Variants in ATP2C2 observed in about 807,000 individuals in gnomAD.
ATP2C2 encodes ATPase secretory pathway Ca2+ transporting 2.
In ATP2C2, 171 loss-of-function variants were observed where a neutral mutation model predicts 110.8. That is an observed-to-expected ratio of 1.54 (90% confidence interval 1.36 to 1.75). ATP2C2 has a LOEUF of 1.75. Among genes scored for constraint, ATP2C2 ranks in the 40% most tolerant of loss-of-function variants. The pLI is 0.00. For synonymous variants in ATP2C2, 804 were observed against 508.4 expected, an observed-to-expected ratio of 1.58 and a Z score of -7.82; for missense variants, 1,963 against 1,235.0, an observed-to-expected ratio of 1.59 and a Z score of -8.84.
chr16:84,397,730 T>C (rs1204006702), intron 1 of ATP2C2, among the ~76,000 whole-genome samples: 2 of 146,310 alleles, frequency 1.4e-5, no homozygotes, highest in Non-Finnish European at 3.0e-5. Context: ...GGAACCCAGA[T>C]ATTCATCAAC....
intron 16 of ATP2C2, among the ~76,000 whole-genome samples, chr16:84,447,751 T>A (rs1909883907): frequency 7.1e-6 from 1 of 140,350 alleles, no homozygotes; most frequent in East Asian, 1.9e-4. Context: ...ATATAATATA[T>A]AATATACATA....
chr16:84,437,669 C>T (rs1908867588), intron 11 of ATP2C2, among the ~76,000 whole-genome samples: 1 of 152,180 alleles, frequency 6.6e-6, no homozygotes, highest in African/African-American at 2.4e-5. Context: ...GTGCATGCCA[C>T]CACACCTGGC....
At chr16:84,421,075 G>T (rs1907289991) in intron 7 of ATP2C2, among the ~76,000 whole-genome samples, 1 of 152,184 alleles carries the variant, frequency 6.6e-6, no homozygotes, top group South Asian at 2.1e-4. Context: ...CAAAGTGCTG[G>T]GATTACAGGT....
chr16:84,430,091 T>C (rs552698997), intron 11 of ATP2C2, among the ~76,000 whole-genome samples: 2 of 152,290 alleles, frequency 1.3e-5, no homozygotes, highest in African/African-American at 4.8e-5. Context: ...CCATTTTTAT[T>C]TGATGATGTC....
chr16:84,385,183 C>T (rs1904302792), intron 1 of ATP2C2, among the ~76,000 whole-genome samples: 1 of 152,100 alleles, frequency 6.6e-6, no homozygotes, highest in Non-Finnish European at 1.5e-5. Context: ...CAGGAGGTTT[C>T]CAATCATGGT....
At chr16:84,389,802 C>A (rs1306640474) in intron 1 of ATP2C2, among the ~76,000 whole-genome samples, 1 of 149,274 alleles carries the variant, frequency 6.7e-6, no homozygotes, top group Non-Finnish European at 1.5e-5. Context: ...CTCACTTCAA[C>A]CTCTGCCTCC....
chr16:84,411,106 C>T (rs888883475), intron 6 of ATP2C2, among the ~76,000 whole-genome samples: 3 of 152,026 alleles, frequency 2.0e-5, no homozygotes, highest in Middle Eastern at 3.2e-3. Context: ...GGGAGAGGGT[C>T]TGGAGGTTTA....
intron 17 of ATP2C2, among the ~76,000 whole-genome samples, chr16:84,449,823 T>TC (rs1910093652): frequency 6.6e-6 from 1 of 152,226 alleles, no homozygotes; most frequent in African/African-American, 2.4e-5. Context: ...ACGCCTCTGC[T>TC]GACGAAATGG....
chr16:84,447,569 C>T (rs1345114360), intron 16 of ATP2C2, among the ~76,000 whole-genome samples: 3 of 148,558 alleles, frequency 2.0e-5, no homozygotes, highest in African/African-American at 7.6e-5. Flanking sequence ...TGCTTTTTCC[C>T]CCTAAGATTT....
chr16:84,445,556 C>T (rs1204265283), intron 15 of ATP2C2, among the ~76,000 whole-genome samples: 1 of 152,110 alleles, frequency 6.6e-6, no homozygotes, highest in African/African-American at 2.4e-5. Context: ...ACCCTAATAG[C>T]CTCAAATTGA....
intron 7 of ATP2C2, among the ~76,000 whole-genome samples, chr16:84,420,231 TCCATG>T (rs1907207301): frequency 6.6e-6 from 1 of 152,062 alleles, no homozygotes; most frequent in African/African-American, 2.4e-5. Context: ...CCCCACCTCC[TCCATG>T]GAGTATCATC....
Position 84,398,568 on chromosome 16 carries a change from G to T in ATP2C2, c.169G>T (p.Ala57Ser). The change falls in exon 2 of 27, where the codon GCG (alanine) becomes TCG (serine). Residue 57 changes from alanine to serine, a missense_variant. By Grantham distance (99) the Ala-to-Ser change is moderately conservative (BLOSUM62 1). Coordinates refer to ENST00000262429, the MANE Select transcript of ATP2C2 (RefSeq NM_014861.4). Reference sequence around the variant, plus strand: ...GGTGACAGCCCTGCCCCCCAAGGAAGCGTGCAAATGCCAGAAAGAGGATTT... The same window carrying T: ...GGTGACAGCCCTGCCCCCCAAGGAATCGTGCAAATGCCAGAAAGAGGATTT... ...KKVTALPPKE[A>S]CKCQKEDLAR... 1 of 1,613,408 alleles carries T rather than the reference G, an allele frequency of 6.2e-7. No homozygotes were observed. Among genetic ancestry groups the T allele is most frequent in the Non-Finnish European group, 8.5e-7 (1 of 1,179,742 alleles).
chr16:84,451,517 G>A (rs964367707), intron 17 of ATP2C2, among the ~76,000 whole-genome samples: 16 of 152,208 alleles, frequency 1.1e-4, no homozygotes, highest in Admixed American at 9.2e-4. Flanking sequence ...TCTGCAGACC[G>A]AGGAGGATCT....
chr16:84,426,004 C>G, intron 11 of ATP2C2: 1 of 598,908 alleles, frequency 1.7e-6, no homozygotes, highest in Non-Finnish European at 3.0e-6. Flanking sequence ...TGAATGACAG[C>G]AAATGATCCA....
intron 4 of ATP2C2, among the ~76,000 whole-genome samples, chr16:84,409,973 GCCTGGGGGGTGGAT>G (rs1383809035): frequency 1.3e-5 from 2 of 152,132 alleles, no homozygotes; most frequent in African/African-American, 4.8e-5. Flanking sequence ...ACTTTGGGAG[GCCTGGGGGGTGGAT>G]CACGAGGTCA....
At chr16:84,414,311 A>C (rs977825469) in intron 6 of ATP2C2, among the ~76,000 whole-genome samples, 1 of 152,156 alleles carries the variant, frequency 6.6e-6, no homozygotes, top group African/African-American at 2.4e-5. Context: ...AATTCAGGAG[A>C]GCACCCAGGG....
Position 84,422,639 on chromosome 16 carries a change from T to C in ATP2C2, c.785T>C (p.Ile262Thr). 4 of 1,613,488 alleles carry C rather than the reference T, an allele frequency of 2.5e-6. No individual in the cohort carries two copies. The East Asian group carries it at 6.7e-5, about 27-fold the overall frequency. The change falls in exon 9 of 27, where the codon ATT becomes ACT. Residue 262 changes from isoleucine (I) to threonine (T), a missense_variant. Transcript: ENST00000262429. Reference sequence around the variant, plus strand: ...CTCTCCTGGACACAGGGGGTCGTGATTGGAACAGGGGAAAGCTCTCAGTTC... The same window carrying C: ...CTCTCCTGGACACAGGGGGTCGTGACTGGAACAGGGGAAAGCTCTCAGTTC... ...VQYGRGQGVV[I>T]GTGESSQFGE...
intron 26 of ATP2C2, among the ~76,000 whole-genome samples, 172 bp from the exon 27 acceptor site, chr16:84,463,442 C>G (rs954819505): frequency 6.6e-6 from 1 of 152,160 alleles, no homozygotes; most frequent in Non-Finnish European, 1.5e-5. Context: ...CCTTCTGGAA[C>G]TGCAGCATTT....
chr16:84,368,963 A>G (rs1909794531), intron 1 of ATP2C2, among the ~76,000 whole-genome samples: 1 of 152,220 alleles, frequency 6.6e-6, no homozygotes, highest in African/African-American at 2.4e-5. Flanking sequence ...GTGGTTAAGT[A>G]TATTCCCTAA....
Sources: gnomAD v4.1 joint callset for allele counts (sites outside exome capture counted in the v4.1 genomes callset) on GRCh38, gnomAD v4.1.1 for gene constraint, MANE v1.5 for transcripts, NCBI Gene and HGNC (gene_info 2026-07-23, HGNC 2026-07-21) for gene names.